DHCR24: variants seen among roughly 807,000 people sequenced by gnomAD.
The protein encoded by DHCR24 is delta(24)-sterol reductase.
Under a neutral mutation model 61.2 loss-of-function variants are expected in DHCR24, and 28 were observed. The observed-to-expected ratio is 0.46, with a 90% confidence interval of 0.34 to 0.63. The LOEUF (loss-of-function observed/expected upper bound fraction) is 0.63, where lower values mean the gene tolerates loss of function less well. Ranked by LOEUF, DHCR24 falls within the 20% of genes least tolerant of loss-of-function variation. The pLI is 0.01. For synonymous variants in DHCR24, 261 were observed against 275.9 expected (o/e 0.95, Z 0.54); for missense variants, 538 against 679.1 (o/e 0.79, Z 2.31).
In DHCR24 at chr1:54,871,618, G is replaced by C. The variant is rs1304769588; in HGVS notation, c.613-5C>G. On this transcript the variant is annotated splice_region_variant and splice_polypyrimidine_tract_variant and intron_variant, in intron 4 of 8. Coordinates refer to ENST00000371269, the MANE Select transcript of DHCR24 (RefSeq NM_014762.4). ...GAACAGGTCTGAGTTTTCGGACTGT[G>C]AGACAGAATTGATGTGTTGTGAGCT... 6.8e-6 allele frequency: 11 copies of C among 1,614,060 alleles called. No individual in the cohort carries two copies. Among genetic ancestry groups the C allele is most frequent in the Non-Finnish European group, 9.3e-6 (11 of 1,180,034 alleles).
intron 6 of DHCR24, among the ~76,000 whole-genome samples, chr1:54,861,701 A>G (rs909739043): frequency 1.3e-5 from 2 of 152,204 alleles, no homozygotes; most frequent in Non-Finnish European, 2.9e-5. Flanking sequence ...TACCCCAGCA[A>G]CACAGATTCC....
chr1:54,866,604 C>T (rs921342794), intron 5 of DHCR24, among the ~76,000 whole-genome samples: 1 of 152,248 alleles, frequency 6.6e-6, no homozygotes, highest in Admixed American at 6.5e-5. Context: ...AAGTGCCAAG[C>T]ACGGTGCCTG....
intron 6 of DHCR24, among the ~76,000 whole-genome samples, chr1:54,855,295 G>C (rs1258249765): frequency 6.6e-6 from 1 of 151,916 alleles, no homozygotes; most frequent in African/African-American, 2.4e-5. Context: ...TCAGGAGGCT[G>C]AGGCAGGAGA....
intron 1 of DHCR24, chr1:54,886,547 A>T: frequency 1.6e-6 from 2 of 1,276,428 alleles, no homozygotes; most frequent in South Asian, 2.5e-5. Context: ...CATACTTCCC[A>T]ATCTCTAGAC....
chr1:54,863,430 GGT>G (rs1225879034), intron 6 of DHCR24, among the ~76,000 whole-genome samples: 1 of 152,162 alleles, frequency 6.6e-6, no homozygotes, highest in Non-Finnish European at 1.5e-5. Context: ...TCTAGCCTCT[GGT>G]GCCTGTTTGA....
In DHCR24 at chr1:54,851,924, A is replaced by G. The variant is rs555526341; in HGVS notation, c.*309T>C. ...AGATGACAACAACCTGCAAGTAGGT[A>G]TTACTATCCCTTTCAACTAATGAAG... On this transcript the variant is annotated 3_prime_UTR_variant, in exon 9 of 9. Transcript: ENST00000371269. 4 of 409,710 alleles carry G rather than the reference A, an allele frequency of 9.8e-6. No individual in the cohort carries two copies. The highest frequency in any genetic ancestry group is 4.0e-5 in the African/African-American group (2 of 49,540). 25.4% of individuals were successfully genotyped at this position (409,710 alleles called of 1,614,324 possible).
chr1:54,853,509 C>T lies in DHCR24; in HGVS notation c.1322G>A (p.Gly441Glu), dbSNP rs1451715046. 6.2e-7 allele frequency: 1 copy of T among 1,614,192 alleles called. No homozygotes were observed. The change falls in exon 8 of 9, where the codon GGG becomes GAG. Residue 441 changes from glycine (G) to glutamate (E), a missense_variant. Physicochemically the swap from Gly to Glu is moderately conservative, Grantham distance 98 (BLOSUM62 -2). Coordinates refer to ENST00000371269, the MANE Select transcript of DHCR24 (RefSeq NM_014762.4). ...AELYIDIGAY[G>E]EPRVKHFEAR... ...TTCAAAGTGTTTCACACGCGGCTCC[C>T]CATATGCTCCAATGTCGATGTAGAG...
rs772817416 is a variant in DHCR24, at chr1:54,886,918, C to T, written c.202G>A (p.Glu68Lys). The T allele has an allele frequency of 1.1e-5, 18 of 1,613,344 alleles. No individual in the cohort carries two copies. The highest frequency in any genetic ancestry group is 6.7e-5 in the Admixed American group (4 of 60,016). ...FKLSSAPRLH[E>K]QRVRDIQKQV... ...TTCTGGATGTCCCGCACGCGCTGCTCGTGCAGGCGCGGAGCGCTGCTGAGC... is the reference window on the plus strand; with the variant it reads ...TTCTGGATGTCCCGCACGCGCTGCTTGTGCAGGCGCGGAGCGCTGCTGAGC... Residue 68 changes from glutamate to lysine, a missense_variant, in exon 1 of 9, where the codon GAG becomes AAG. Physicochemically the swap from Glu to Lys is moderately conservative, Grantham distance 56. Transcript: ENST00000371269.
intron 2 of DHCR24, among the ~76,000 whole-genome samples, chr1:54,881,082 G>A (rs972812767): frequency 1.1e-4 from 17 of 152,264 alleles, no homozygotes; most frequent in East Asian, 3.9e-4. Flanking sequence ...CCTGGGAGGC[G>A]GAGGCTGCAG....
chr1:54,854,038 T>G lies in DHCR24; in HGVS notation c.1217A>C (p.His406Pro), dbSNP rs1174238425. ...CCCTCCCTGCCCTGCCCCACTCACGTGGATGTCGTTTTGGAAGGTGTGCAG... is the reference window on the plus strand; with the variant it reads ...CCCTCCCTGCCCTGCCCCACTCACGGGGATGTCGTTTTGGAAGGTGTGCAG... ...QALHTFQNDI[H>P]VYPIWLCPFI... Residue 406 changes from histidine (H) to proline (P), a missense_variant and splice_region_variant, in exon 7 of 9, where the codon CAC becomes CCC. Transcript: ENST00000371269. 1 of 1,612,064 alleles carries G rather than the reference T, an allele frequency of 6.2e-7. No individual in the cohort carries two copies. The highest frequency in any genetic ancestry group is 1.1e-5 in the South Asian group (1 of 90,776).
At chr1:54,864,655 T>C (rs1481851705) in intron 6 of DHCR24, among the ~76,000 whole-genome samples, 2 of 150,636 alleles carry the variant, frequency 1.3e-5, no homozygotes. Flanking sequence ...CCCTGAACTG[T>C]CCATTTTATA....
At position 54,865,291 on chromosome 1, in the gene DHCR24, C is replaced by A. The variant is rs769654727; in HGVS notation, c.1020+12G>T. ...CCTGGAGGAGCCAGGGCTACAGAAA[C>A]CTAAGCCTCACCTGGAGCTCCCAGA... On this transcript the variant is annotated intron_variant, in intron 6 of 8. Transcript: ENST00000371269. 43 of 1,610,974 alleles carry A rather than the reference C, an allele frequency of 2.7e-5. No homozygotes were observed. The highest frequency in any genetic ancestry group is 3.6e-5 in the Non-Finnish European group (43 of 1,178,686).
intron 5 of DHCR24, among the ~76,000 whole-genome samples, chr1:54,866,881 T>A (rs1287556953): frequency 6.6e-6 from 1 of 152,242 alleles, no homozygotes; most frequent in Non-Finnish European, 1.5e-5. Context: ...ACACTCACGC[T>A]GGCCTCTGCC....
At chr1:54,878,003 C>T (rs1008627774) in intron 2 of DHCR24, among the ~76,000 whole-genome samples, 51 of 128,160 alleles carry the variant, frequency 4.0e-4, no homozygotes, top group Admixed American at 3.7e-3. Context: ...GAGACTCTGT[C>T]TCAAAAAAAA....
chr1:54,853,958 G>T, intron 7 of DHCR24, 79 bp downstream of exon 7: 1 of 1,415,846 alleles, frequency 7.1e-7, no homozygotes, highest in Non-Finnish European at 9.7e-7. Context: ...GCCCAAGGTC[G>T]GTCACACGGT....
intron 6 of DHCR24, among the ~76,000 whole-genome samples, chr1:54,855,830 C>T (rs2278191): frequency 0.61 from 92,243 of 152,002 alleles, 29,383 homozygotes; most frequent in South Asian, 0.8. Flanking sequence ...AAGACCTACA[C>T]ATGCCCACAG....
intron 6 of DHCR24, among the ~76,000 whole-genome samples, chr1:54,859,920 C>T (rs193073413): frequency 6.6e-6 from 1 of 152,344 alleles, no homozygotes; most frequent in East Asian, 1.9e-4. Flanking sequence ...TAACACTGCT[C>T]TTGGCAGGGA....
intron 2 of DHCR24, among the ~76,000 whole-genome samples, chr1:54,880,716 G>A (rs1194058103): frequency 6.6e-6 from 1 of 152,066 alleles, no homozygotes; most frequent in Non-Finnish European, 1.5e-5. Flanking sequence ...CGAGAACTGA[G>A]ATAGCACCAC....
chr1:54,878,699 C>T (rs1437855999), intron 2 of DHCR24, among the ~76,000 whole-genome samples: 1 of 151,940 alleles, frequency 6.6e-6, no homozygotes, highest in Non-Finnish European at 1.5e-5. Context: ...ACTTCCCTGG[C>T]CCCATCTAAA....
Sources: allele counts gnomAD v4.1 joint callset (sites outside exome capture counted in the v4.1 genomes callset), GRCh38; gene constraint gnomAD v4.1.1; transcripts MANE v1.5; gene names NCBI Gene and HGNC (gene_info 2026-07-23, HGNC 2026-07-21).